SLC43A3: variants seen among roughly 807,000 people sequenced by gnomAD.
The protein encoded by SLC43A3 is equilibrative nucleobase transporter 1.
SLC43A3 carries 33 observed loss-of-function variants against 53.3 expected under a neutral mutation model. That is an observed-to-expected ratio of 0.62 (90% CI 0.47 to 0.83). SLC43A3 has a LOEUF of 0.83. Among genes scored for constraint, SLC43A3 ranks in the 40% least tolerant of loss-of-function variants. The pLI is 0.00. For missense variants in SLC43A3, 530 were observed against 610.0 expected, an observed-to-expected ratio of 0.87 and a Z score of 1.38; for synonymous variants, 236 against 246.2, an observed-to-expected ratio of 0.96 and a Z score of 0.39.
chr11:57,422,605 A>G (rs1297247954), intron 5 of SLC43A3, among the ~76,000 whole-genome samples: 1 of 152,218 alleles, frequency 6.6e-6, no homozygotes, highest in African/African-American at 2.4e-5. Flanking sequence ...TAAAATGTAC[A>G]TCTCTCCTAC....
intron 4 of SLC43A3, 179 bp from the exon 5 acceptor site, chr11:57,424,207 T>C: frequency 4.6e-6 from 3 of 652,294 alleles, no homozygotes; most frequent in Admixed American, 2.4e-5. Flanking sequence ...GAAGCCGCGA[T>C]GAGATTGAGA....
intron 11 of SLC43A3, among the ~76,000 whole-genome samples, chr11:57,412,491 A>T (rs1459085072): frequency 6.6e-6 from 1 of 152,236 alleles, no homozygotes; most frequent in Non-Finnish European, 1.5e-5. Context: ...TTCTAGAAGA[A>T]TTCTAGTGAT....
chr11:57,419,387 G>A lies in SLC43A3; in HGVS notation c.532-1500C>T, dbSNP rs80318820. Reference sequence around the variant, plus strand: ...CTCCTCCCATTTTACAGAGAGTGACGTTGAGGTCCAGAGAGGTGCAGTGAA... The same window carrying A: ...CTCCTCCCATTTTACAGAGAGTGACATTGAGGTCCAGAGAGGTGCAGTGAA... On this transcript the variant is annotated intron_variant, in intron 7 of 13. Coordinates refer to ENST00000395124, the MANE Select transcript of SLC43A3 (RefSeq NM_199329.3). Among the ~76,000 whole-genome samples, 131 of 152,294 alleles carry A rather than the reference G, an allele frequency of 8.6e-4. 2 individuals are homozygous for A. In the East Asian group the frequency reaches 0.024, roughly 28 times the overall value.
intron 7 of SLC43A3, among the ~76,000 whole-genome samples, chr11:57,420,564 G>A (rs1038611582): frequency 9.9e-5 from 15 of 152,154 alleles, no homozygotes; most frequent in Admixed American, 2.0e-4. Context: ...AAGCCTCTGT[G>A]TCTGCCCCTG....
intron 11 of SLC43A3, among the ~76,000 whole-genome samples, chr11:57,413,864 C>T (rs1942592713): frequency 1.3e-5 from 2 of 152,316 alleles, no homozygotes; most frequent in African/African-American, 2.4e-5. Context: ...TCCTGGGCCA[C>T]TCTCCAAGGC....
chr11:57,419,183 C>T (rs1046195186), intron 7 of SLC43A3, among the ~76,000 whole-genome samples: 2 of 152,076 alleles, frequency 1.3e-5, no homozygotes, highest in Non-Finnish European at 2.9e-5. Context: ...TTTCCCCCAA[C>T]GACAGCAAAG....
chr11:57,422,068 C>T (rs1335995228), intron 5 of SLC43A3, among the ~76,000 whole-genome samples: 1 of 152,238 alleles, frequency 6.6e-6, no homozygotes, highest in Non-Finnish European at 1.5e-5. Context: ...GAACCCTTGA[C>T]AAATTCTTCC....
chr11:57,416,030 G>A (rs1423973713), intron 9 of SLC43A3, among the ~76,000 whole-genome samples: 2 of 152,168 alleles, frequency 1.3e-5, no homozygotes, highest in African/African-American at 4.8e-5. Flanking sequence ...TTCGTGCTGT[G>A]CATTAGATCT....
chr11:57,417,196 T>C (rs1942760027), intron 8 of SLC43A3, among the ~76,000 whole-genome samples: 1 of 152,238 alleles, frequency 6.6e-6, no homozygotes, highest in Admixed American at 6.5e-5. Context: ...TCCCCCAATT[T>C]GAATGAGACT....
intron 8 of SLC43A3, among the ~76,000 whole-genome samples, chr11:57,416,984 G>A (rs1942752820): frequency 6.6e-6 from 1 of 152,178 alleles, no homozygotes. Flanking sequence ...CAGAAAGATG[G>A]CTCAGACTTA....
At chr11:57,414,145 T>C (rs1242368752) in intron 11 of SLC43A3, among the ~76,000 whole-genome samples, 1 of 152,234 alleles carries the variant, frequency 6.6e-6, no homozygotes, top group Non-Finnish European at 1.5e-5. Flanking sequence ...TCTGGCACCA[T>C]GGCTGACACA....
intron 7 of SLC43A3, among the ~76,000 whole-genome samples, chr11:57,419,940 T>C (rs1942913019): frequency 6.6e-6 from 1 of 152,144 alleles, no homozygotes; most frequent in African/African-American, 2.4e-5. Flanking sequence ...AGTCTCTGCA[T>C]AACCCTCCAA....
intron 11 of SLC43A3, among the ~76,000 whole-genome samples, chr11:57,410,768 C>T (rs765755987): frequency 4.6e-5 from 7 of 152,312 alleles, no homozygotes; most frequent in South Asian, 4.1e-4. Context: ...AGAATTCCCA[C>T]GTATTGTGGG....
intron 5 of SLC43A3, among the ~76,000 whole-genome samples, chr11:57,423,503 ACTGCAACCT>A (rs2135062675): frequency 6.6e-6 from 1 of 152,224 alleles, no homozygotes; most frequent in African/African-American, 2.4e-5. Flanking sequence ...ATCTTGGCTC[ACTGCAACCT>A]CTGCCTCCTG....
At chr11:57,423,849 G>T in intron 5 of SLC43A3, 133 bp downstream of exon 5, 1 of 727,946 alleles carries the variant, frequency 1.4e-6, no homozygotes, top group Non-Finnish European at 2.4e-6. Context: ...ATCCTTCCAG[G>T]ATTCTTTCAA....
At chr11:57,418,137 T>C (rs150933032) in intron 7 of SLC43A3, among the ~76,000 whole-genome samples, 2 of 152,214 alleles carry the variant, frequency 1.3e-5, no homozygotes, top group African/African-American at 4.8e-5. Flanking sequence ...AGACCAGCCT[T>C]GACAACATAG....
chr11:57,413,966 A>G (rs939717647), intron 11 of SLC43A3, among the ~76,000 whole-genome samples: 6 of 152,140 alleles, frequency 3.9e-5, no homozygotes, highest in Non-Finnish European at 1.5e-5. Context: ...CACCAATCCC[A>G]TCCTCACCTA....
intron 11 of SLC43A3, among the ~76,000 whole-genome samples, chr11:57,412,059 A>C (rs1006444602): frequency 2.6e-5 from 4 of 152,116 alleles, no homozygotes; most frequent in Non-Finnish European, 5.9e-5. Flanking sequence ...GCAATAAAAA[A>C]CCTCAGCATC....
chr11:57,409,785 CT>C, intron 12 of SLC43A3, 149 bp downstream of exon 12: 1 of 676,318 alleles, frequency 1.5e-6, no homozygotes, highest in South Asian at 2.1e-5. Flanking sequence ...CCCACCACCT[CT>C]GGTCTCACCC....
Sources: gnomAD v4.1 joint callset for allele counts (sites outside exome capture counted in the v4.1 genomes callset) on GRCh38, gnomAD v4.1.1 for gene constraint, MANE v1.5 for transcripts, NCBI Gene and HGNC (gene_info 2026-07-23, HGNC 2026-07-21) for gene names.